SNTG2: variants seen among roughly 807,000 people sequenced by gnomAD.
SNTG2 encodes the protein syntrophin gamma 2.
SNTG2 carries 74 observed loss-of-function variants against 70.9 expected under a neutral mutation model. That is an observed-to-expected ratio of 1.04 (90% CI 0.86 to 1.27). The LOEUF (loss-of-function observed/expected upper bound fraction) is 1.27, where lower values mean the gene tolerates loss of function less well. Among genes scored for constraint, SNTG2 ranks in the 50% most tolerant of loss-of-function variants. The pLI is 0.00. For missense variants in SNTG2, 717 were observed against 690.7 expected (o/e 1.04, Z -0.43); for synonymous variants, 278 against 273.8 (o/e 1.02, Z -0.15).
chr2:1,359,186 ATAGT>A (rs1661011075), intron 16 of SNTG2, among the ~76,000 whole-genome samples: 1 of 152,158 alleles, frequency 6.6e-6, no homozygotes, highest in Non-Finnish European at 1.5e-5. Context: ...ATAATTATAT[ATAGT>A]ATTTTTAAAA....
At chr2:1,306,440 G>C (rs959038212) in intron 14 of SNTG2, among the ~76,000 whole-genome samples, 4 of 152,198 alleles carry the variant, frequency 2.6e-5, no homozygotes, top group African/African-American at 9.7e-5. Flanking sequence ...TGAAGATGTT[G>C]AAGGCACGCA....
intron 14 of SNTG2, among the ~76,000 whole-genome samples, chr2:1,291,573 G>C (rs1330583017): frequency 6.6e-6 from 1 of 152,198 alleles, no homozygotes; most frequent in Non-Finnish European, 1.5e-5. Flanking sequence ...TGGATATCCA[G>C]TTTTCCCAGC....
intron 11 of SNTG2, among the ~76,000 whole-genome samples, chr2:1,242,353 GATAA>G (rs1258994577): frequency 2.0e-5 from 3 of 152,168 alleles, no homozygotes; most frequent in East Asian, 3.9e-4. Context: ...TATGTGAAAG[GATAA>G]ATAAAGGTGT....
intron 13 of SNTG2, among the ~76,000 whole-genome samples, chr2:1,262,148 A>G (rs964673787): frequency 7.2e-5 from 11 of 152,186 alleles, no homozygotes; most frequent in African/African-American, 2.4e-4. Context: ...GTCTATTATG[A>G]TAGGAGAGAG....
At chr2:1,127,622 T>A (rs1667780461) in intron 4 of SNTG2, among the ~76,000 whole-genome samples, 1 of 152,170 alleles carries the variant, frequency 6.6e-6, no homozygotes, top group Non-Finnish European at 1.5e-5. Flanking sequence ...TCATCAATTT[T>A]TTCTATCAGT....
chr2:1,003,764 T>A (rs901092340), intron 1 of SNTG2, among the ~76,000 whole-genome samples: 4 of 152,222 alleles, frequency 2.6e-5, no homozygotes, highest in Non-Finnish European at 5.9e-5. Context: ...CTTTTAAGCA[T>A]CACTCGTGTA....
intron 1 of SNTG2, among the ~76,000 whole-genome samples, chr2:993,980 A>G (rs887451069): frequency 2.2e-4 from 33 of 152,064 alleles, no homozygotes; most frequent in Admixed American, 2.1e-3. Flanking sequence ...TTTGTCATGT[A>G]AAGTTTTATA....
intron 1 of SNTG2, among the ~76,000 whole-genome samples, chr2:1,070,077 C>G (rs1386904154): frequency 6.6e-6 from 1 of 151,946 alleles, no homozygotes; most frequent in Non-Finnish European, 1.5e-5. Context: ...CACCTTGGAG[C>G]TTTTTGCGAA....
chr2:1,261,124 A>T (rs971906936), intron 13 of SNTG2, among the ~76,000 whole-genome samples: 7 of 152,212 alleles, frequency 4.6e-5, no homozygotes, highest in African/African-American at 1.4e-4. Context: ...ATGGCATTCA[A>T]TATTTTTAAA....
intron 6 of SNTG2, among the ~76,000 whole-genome samples, chr2:1,158,090 AG>A (rs1208755906): frequency 3.3e-5 from 5 of 152,190 alleles, no homozygotes; most frequent in African/African-American, 9.6e-5. Context: ...TCATGCTCAA[AG>A]GGCCCAGTTG....
At chr2:1,039,917 G>T (rs911225164) in intron 1 of SNTG2, among the ~76,000 whole-genome samples, 17 of 152,244 alleles carry the variant, frequency 1.1e-4, no homozygotes, top group Middle Eastern at 3.4e-3. Flanking sequence ...GGCACACGCT[G>T]TGAACCTCTG....
chr2:1,031,678 G>GT (rs2148035724), intron 1 of SNTG2, among the ~76,000 whole-genome samples: 1 of 151,066 alleles, frequency 6.6e-6, no homozygotes, highest in Non-Finnish European at 1.5e-5. Flanking sequence ...TTACAGGCAC[G>GT]TCCCACCACG....
At chr2:1,137,024 C>A (rs148706944) in intron 4 of SNTG2, among the ~76,000 whole-genome samples, 1 of 152,140 alleles carries the variant, frequency 6.6e-6, no homozygotes, top group African/African-American at 2.4e-5. Flanking sequence ...CCCTTTGTTA[C>A]GAGGAAGTGA....
chr2:1,299,170 A>G (rs1261692959), intron 14 of SNTG2, among the ~76,000 whole-genome samples: 1 of 152,222 alleles, frequency 6.6e-6, no homozygotes, highest in East Asian at 1.9e-4. Flanking sequence ...AGAGGCAGGA[A>G]CATGCCCTGC....
chr2:1,075,282 T>A (rs1205960989), intron 1 of SNTG2, among the ~76,000 whole-genome samples: 1 of 152,100 alleles, frequency 6.6e-6, no homozygotes, highest in Non-Finnish European at 1.5e-5. Flanking sequence ...ACGACCTGAG[T>A]GGCAGCTCCT....
chr2:1,314,979 G>A (rs1329151347), intron 15 of SNTG2, among the ~76,000 whole-genome samples: 1 of 152,200 alleles, frequency 6.6e-6, no homozygotes, highest in Admixed American at 6.5e-5. Context: ...AATTCAAGAT[G>A]AGATTTGGGT....
chr2:1,063,440 C>T (rs1662952895), intron 1 of SNTG2, among the ~76,000 whole-genome samples: 1 of 152,132 alleles, frequency 6.6e-6, no homozygotes, highest in African/African-American at 2.4e-5. Flanking sequence ...GAGAAGAGTT[C>T]CCTCTCAGGC....
chr2:1,295,196 C>G (rs961607179), intron 14 of SNTG2, among the ~76,000 whole-genome samples: 3 of 152,160 alleles, frequency 2.0e-5, no homozygotes, highest in Non-Finnish European at 4.4e-5. Context: ...GTGTTTTGAA[C>G]TCTCAGATGC....
rs1659930801 is a variant in SNTG2 at position 950,914 on chromosome 2, T to TA, written c.-83_-82insA. 7.5e-6 allele frequency: 5 copies of TA among 663,422 alleles called. No homozygotes were observed. In the Admixed American group the frequency reaches 2.5e-4, roughly 33 times the overall value. 41.1% of individuals were successfully genotyped at this position (663,422 alleles called of 1,614,324 possible). ...GGGGCGCGGGCGCGGACGCGGCGCC[T>TA]GGCGGGGCCCTGGGAGGCTCGGACG... On this transcript the variant is annotated 5_prime_UTR_variant, in exon 1 of 17. Transcript: ENST00000308624.
Sources: gnomAD v4.1 joint callset for allele counts (sites outside exome capture counted in the v4.1 genomes callset) on GRCh38, gnomAD v4.1.1 for gene constraint, MANE v1.5 for transcripts, NCBI Gene and HGNC (gene_info 2026-07-23, HGNC 2026-07-21) for gene names.